FOXP1: variants seen among roughly 807,000 people sequenced by gnomAD.
The protein encoded by FOXP1 is forkhead box protein P1.
FOXP1 carries 15 observed loss-of-function variants against 98.2 expected under a neutral mutation model. The ratio of observed to expected loss-of-function variants is 0.15; its 90% confidence interval spans 0.10 to 0.24. The LOEUF (loss-of-function observed/expected upper bound fraction) is 0.24, where lower values mean the gene tolerates loss of function less well. Ranked by LOEUF, FOXP1 falls within the 10% of genes least tolerant of loss-of-function variation. FOXP1 has a pLI of 1.00. For synonymous variants in FOXP1, 371 were observed against 314.5 expected (o/e 1.18, Z -1.90); for missense variants, 633 against 848.5 (o/e 0.75, Z 3.15).
chr3:71,013,736 CTGACT>C (rs1246721559), intron 12 of FOXP1, among the ~76,000 whole-genome samples: 1 of 152,176 alleles, frequency 6.6e-6, no homozygotes, highest in African/African-American at 2.4e-5. Context: ...ATCACACTAC[CTGACT>C]TCAAACTATA....
intron 6 of FOXP1, among the ~76,000 whole-genome samples, chr3:71,171,831 C>T (rs906733998): frequency 6.6e-6 from 1 of 152,236 alleles, no homozygotes. Flanking sequence ...TTAACCCTAT[C>T]TTACAGATGT....
At chr3:71,109,438 T>TC (rs1235688892) in intron 7 of FOXP1, among the ~76,000 whole-genome samples, 20 of 151,088 alleles carry the variant, frequency 1.3e-4, no homozygotes, top group Admixed American at 3.3e-4. Context: ...TTTTTTTTTT[T>TC]CCCTCAAGCT....
At chr3:71,332,001 T>C (rs562508533) in intron 4 of FOXP1, among the ~76,000 whole-genome samples, 17 of 152,276 alleles carry the variant, frequency 1.1e-4, no homozygotes, top group African/African-American at 3.9e-4. Context: ...TGGCTCTTTG[T>C]AAAATGGACC....
chr3:71,526,804 C>T (rs577540936), intron 2 of FOXP1, among the ~76,000 whole-genome samples: 2 of 151,974 alleles, frequency 1.3e-5, no homozygotes, highest in Non-Finnish European at 2.9e-5. Flanking sequence ...CCCATCTCTA[C>T]TAAAAATACA....
At chr3:71,482,857 G>A (rs1336143078) in intron 3 of FOXP1, among the ~76,000 whole-genome samples, 4 of 147,968 alleles carry the variant, frequency 2.7e-5, no homozygotes, top group East Asian at 2.0e-4. Flanking sequence ...TTAGACCAAC[G>A]TCTGGCTCTG....
At chr3:71,064,598 C>T (rs1011780015) in intron 7 of FOXP1, among the ~76,000 whole-genome samples, 4 of 151,454 alleles carry the variant, frequency 2.6e-5, no homozygotes, top group African/African-American at 9.8e-5. Flanking sequence ...GACCCACAGG[C>T]CTGCAGCTCC....
At chr3:71,385,592 T>C (rs1419858645) in intron 3 of FOXP1, among the ~76,000 whole-genome samples, 1 of 152,096 alleles carries the variant, frequency 6.6e-6, no homozygotes, top group African/African-American at 2.4e-5. Flanking sequence ...CGCATGCTCA[T>C]GAATAAGATA....
At chr3:71,436,927 T>G (rs905050273) in intron 3 of FOXP1, among the ~76,000 whole-genome samples, 1 of 152,196 alleles carries the variant, frequency 6.6e-6, no homozygotes, top group Non-Finnish European at 1.5e-5. Context: ...CACAATTCCA[T>G]TTTTTCACCT....
chr3:71,141,205 T>G (rs189291120), intron 6 of FOXP1, among the ~76,000 whole-genome samples: 1 of 148,962 alleles, frequency 6.7e-6, no homozygotes, highest in Admixed American at 6.7e-5. Flanking sequence ...AAGGTGGAGG[T>G]TGCAGTGAGC....
At chr3:70,969,909 T>C (rs2107136239) in intron 19 of FOXP1, 1 of 152,400 alleles carries the variant, frequency 6.6e-6, no homozygotes, top group Middle Eastern at 3.4e-3. Flanking sequence ...AGGATACTGC[T>C]TACTTATGAA....
chr3:71,338,754 A>C lies in FOXP1; in HGVS notation c.-73+20396T>G, dbSNP rs577801827. On this transcript the variant is annotated intron_variant, in intron 4 of 20. Transcript: ENST00000649528. ...TTAAAATAATATAATGGATATAAAA[A>C]CATAATGAGAAAAAAAATAGGACTA... Among the ~76,000 whole-genome samples the C allele has an allele frequency of 3.1e-3, 469 of 152,312 alleles. 3 individuals are homozygous for C. The highest frequency in any genetic ancestry group is 0.011 in the African/African-American group (462 of 41,568).
At chr3:71,432,609 T>C (rs901740827) in intron 3 of FOXP1, among the ~76,000 whole-genome samples, 1 of 152,100 alleles carries the variant, frequency 6.6e-6, no homozygotes, top group Non-Finnish European at 1.5e-5. Context: ...AGTTGTGGCT[T>C]CAAAGGGTTT....
intron 2 of FOXP1, among the ~76,000 whole-genome samples, chr3:71,521,285 A>T (rs2042966303): frequency 6.6e-6 from 1 of 152,194 alleles, no homozygotes; most frequent in Non-Finnish European, 1.5e-5. Flanking sequence ...TAATCCCAGT[A>T]CTTTGGGAGG....
chr3:71,561,041 T>C lies in FOXP1; in HGVS notation c.-298+20508A>G, dbSNP rs141632450. ...TATGTGAATATACTAAAAACCACTG[T>C]TGAATTGTGTACTTTTTTGTTTGTT... On this transcript the variant is annotated intron_variant, in intron 2 of 20. Transcript: ENST00000649528. 2.0e-5 allele frequency among the ~76,000 whole-genome samples: 3 copies of C among 152,178 alleles called. No individual in the cohort carries two copies. In the East Asian group the frequency reaches 5.8e-4, roughly 29 times the overall value.
intron 5 of FOXP1, among the ~76,000 whole-genome samples, chr3:71,233,742 C>T (rs1156290610): frequency 6.6e-6 from 1 of 151,788 alleles, no homozygotes; most frequent in Non-Finnish European, 1.5e-5. Context: ...TTCCTGGGGA[C>T]CCCAAGAAGG....
intron 4 of FOXP1, among the ~76,000 whole-genome samples, chr3:71,310,679 T>C (rs1162174508): frequency 6.6e-6 from 1 of 152,366 alleles, no homozygotes; most frequent in Non-Finnish European, 1.5e-5. Flanking sequence ...GGTTCTCTTC[T>C]GGGCGTTTCT....
intron 4 of FOXP1, among the ~76,000 whole-genome samples, chr3:71,331,227 T>C (rs1016923453): frequency 1.3e-5 from 2 of 151,878 alleles, no homozygotes; most frequent in African/African-American, 2.4e-5. Flanking sequence ...GCACTTGGAG[T>C]GGCCAGCTGG....
chr3:71,238,830 A>G (rs1162452988), intron 5 of FOXP1, among the ~76,000 whole-genome samples: 2 of 152,218 alleles, frequency 1.3e-5, no homozygotes, highest in Non-Finnish European at 2.9e-5. Flanking sequence ...GGACCCGGGA[A>G]GAGGAGGTTG....
intron 5 of FOXP1, among the ~76,000 whole-genome samples, chr3:71,224,202 A>G (rs570463158): frequency 1.1e-4 from 17 of 152,312 alleles, no homozygotes. Context: ...AGAGGACTCT[A>G]AAACCATAAA....
Sources: allele counts gnomAD v4.1 joint callset (sites outside exome capture counted in the v4.1 genomes callset), GRCh38; gene constraint gnomAD v4.1.1; transcripts MANE v1.5; gene names NCBI Gene and HGNC (gene_info 2026-07-23, HGNC 2026-07-21).